MACROD2: variants seen among roughly 807,000 people sequenced by gnomAD.
MACROD2 encodes ADP-ribose glycohydrolase MACROD2.
A neutral mutation model predicts 70.4 loss-of-function variants in MACROD2; 36 were observed. The observed-to-expected ratio is 0.51, with a 90% CI of 0.39 to 0.68. The LOEUF (loss-of-function observed/expected upper bound fraction) is 0.68. Ranked by LOEUF, MACROD2 falls within the 30% of genes least tolerant of loss-of-function variation. MACROD2 has a pLI of 0.00. For synonymous variants in MACROD2, 172 were observed against 178.8 expected (o/e 0.96, Z 0.30); for missense variants, 496 against 538.4 (o/e 0.92, Z 0.78).
At chr20:14,240,689 G>A (rs565167333) in intron 3 of MACROD2, among the ~76,000 whole-genome samples, 2 of 152,282 alleles carry the variant, frequency 1.3e-5, no homozygotes, top group Non-Finnish European at 2.9e-5. Context: ...AGGCCTACTT[G>A]AGGGCAGAAG....
intron 10 of MACROD2, among the ~76,000 whole-genome samples, chr20:15,900,493 G>T (rs144983307): frequency 6.6e-6 from 1 of 151,992 alleles, no homozygotes; most frequent in South Asian, 2.1e-4. Flanking sequence ...ATTTGTACTG[G>T]TGCTCCCCAT....
At position 14,626,207 on chromosome 20, in the gene MACROD2, G is replaced by A. The variant is rs186590542; in HGVS notation, c.302-58636G>A. ...CTTTACAGCAAGGGTAGTTGTGGGG[G>A]TGGGCACATTACATTGGATGCTATC... On this transcript the variant is annotated intron_variant, in intron 4 of 17. Transcript: ENST00000684519. Among the ~76,000 whole-genome samples the A allele has an allele frequency of 1.9e-3, 284 of 152,174 alleles. 3 individuals are homozygous for A. The highest frequency in any genetic ancestry group is 3.1e-3 in the South Asian group (15 of 4,814).
chr20:15,570,366 A>G (rs955346838), intron 8 of MACROD2, among the ~76,000 whole-genome samples: 2 of 152,202 alleles, frequency 1.3e-5, no homozygotes, highest in Non-Finnish European at 2.9e-5. Context: ...CAGTCTGAGC[A>G]AAGTTCTCTA....
intron 5 of MACROD2, among the ~76,000 whole-genome samples, chr20:15,095,015 G>A (rs1413671625): frequency 6.7e-6 from 1 of 148,982 alleles, no homozygotes; most frequent in Non-Finnish European, 1.5e-5. Flanking sequence ...TGTACAGTGA[G>A]ACCATGGGAG....
chr20:14,497,314 A>G (rs1228531294), intron 4 of MACROD2, among the ~76,000 whole-genome samples: 1 of 151,740 alleles, frequency 6.6e-6, no homozygotes, highest in Non-Finnish European at 1.5e-5. Flanking sequence ...TGCATTTCAG[A>G]TACATGTTCA....
rs571875879 is a variant in MACROD2 at position 14,190,463 on chromosome 20, CAT to C, written c.271+104736_271+104737del. ...GATTATCCATGCTAACATGGGATAACATGTGTAATTGAAATGTGTATGAAGTC... is the reference window on the plus strand; with the variant it reads ...GATTATCCATGCTAACATGGGATAACGTGTAATTGAAATGTGTATGAAGTC... On this transcript the variant is annotated intron_variant, in intron 3 of 17. Transcript: ENST00000684519. Among the ~76,000 whole-genome samples the C allele has an allele frequency of 5.7e-4, 86 of 151,446 alleles. 1 individual carries two copies. The highest frequency in any genetic ancestry group is 4.0e-3 in the Admixed American group (61 of 15,186).
chr20:14,515,463 A>ACATACACACACG (rs34190778), intron 4 of MACROD2, among the ~76,000 whole-genome samples: 1 of 138,822 alleles, frequency 7.2e-6, no homozygotes. Flanking sequence ...ATACACACAC[A>ACATACACACACG]CGCACACACA....
chr20:15,974,575 G>A (rs1050605176), intron 13 of MACROD2, among the ~76,000 whole-genome samples: 3 of 152,016 alleles, frequency 2.0e-5, no homozygotes, highest in African/African-American at 7.2e-5. Flanking sequence ...AAAATACTCT[G>A]TATAATGCAG....
chr20:15,948,483 T>C (rs1043852191), intron 12 of MACROD2, among the ~76,000 whole-genome samples: 2 of 150,968 alleles, frequency 1.3e-5, no homozygotes, highest in Non-Finnish European at 2.9e-5. Context: ...AAATTTGTTT[T>C]TTACTATGAT....
At chr20:15,437,523 T>G (rs2046442293) in intron 7 of MACROD2, among the ~76,000 whole-genome samples, 1 of 152,194 alleles carries the variant, frequency 6.6e-6, no homozygotes, top group African/African-American at 2.4e-5. Context: ...TATTTTAGGT[T>G]TGGGGGTACA....
intron 3 of MACROD2, among the ~76,000 whole-genome samples, chr20:14,216,666 C>T (rs983919326): frequency 1.3e-5 from 2 of 151,964 alleles, no homozygotes; most frequent in East Asian, 1.9e-4. Flanking sequence ...TTGTTTGTGT[C>T]GTCTATGATT....
chr20:14,067,132 T>G (rs1235363118), intron 2 of MACROD2, among the ~76,000 whole-genome samples: 1 of 145,240 alleles, frequency 6.9e-6, no homozygotes, highest in Non-Finnish European at 1.5e-5. Context: ...TGTTTTTTTT[T>G]TTTTTTTTTT....
At chr20:15,183,123 A>T (rs2076511599) in intron 5 of MACROD2, among the ~76,000 whole-genome samples, 1 of 152,284 alleles carries the variant, frequency 6.6e-6, no homozygotes, top group South Asian at 2.1e-4. Flanking sequence ...AGATCCCAGA[A>T]CTTCAGAATA....
chr20:14,406,703 T>G (rs1367958832), intron 3 of MACROD2, among the ~76,000 whole-genome samples: 1 of 152,160 alleles, frequency 6.6e-6, no homozygotes, highest in Non-Finnish European at 1.5e-5. Flanking sequence ...CCCATTACTT[T>G]GCAGATAGTA....
intron 4 of MACROD2, among the ~76,000 whole-genome samples, chr20:14,622,432 CATAGG>C (rs1983885856): frequency 1.3e-5 from 2 of 152,184 alleles, no homozygotes; most frequent in South Asian, 4.1e-4. Flanking sequence ...GAACTAGGAA[CATAGG>C]ATAGATTTGT....
intron 3 of MACROD2, among the ~76,000 whole-genome samples, chr20:14,391,867 G>A (rs984389260): frequency 1.3e-4 from 20 of 148,510 alleles, no homozygotes; most frequent in African/African-American, 4.7e-4. Flanking sequence ...TTACTATTAG[G>A]TACTATGTTC....
intron 7 of MACROD2, among the ~76,000 whole-genome samples, chr20:15,479,996 AAATT>A (rs1454185349): frequency 6.6e-6 from 1 of 152,240 alleles, no homozygotes; most frequent in Non-Finnish European, 1.5e-5. Flanking sequence ...TATGATATGA[AAATT>A]AATCTTGTAG....
At chr20:14,239,256 C>T (rs913805429) in intron 3 of MACROD2, among the ~76,000 whole-genome samples, 1 of 152,140 alleles carries the variant, frequency 6.6e-6, no homozygotes, top group African/African-American at 2.4e-5. Flanking sequence ...ATTTCATACT[C>T]ATGGATAGGA....
intron 5 of MACROD2, among the ~76,000 whole-genome samples, chr20:15,203,725 A>G (rs1010802954): frequency 7.2e-5 from 11 of 152,138 alleles, no homozygotes; most frequent in Non-Finnish European, 1.2e-4. Context: ...TGTTTCATGA[A>G]TAAACATCAT....
Sources: gnomAD v4.1 joint callset for allele counts (sites outside exome capture counted in the v4.1 genomes callset) on GRCh38, gnomAD v4.1.1 for gene constraint, MANE v1.5 for transcripts, NCBI Gene and HGNC (gene_info 2026-07-23, HGNC 2026-07-21) for gene names.